Variants in PTPRD observed in about 807,000 individuals in gnomAD.
PTPRD encodes receptor-type tyrosine-protein phosphatase delta.
PTPRD carries 34 observed loss-of-function variants against 214.5 expected under a neutral mutation model. The observed-to-expected ratio is 0.16, with a 90% CI of 0.12 to 0.21. The LOEUF is 0.21. Ranked by LOEUF, PTPRD falls within the 10% of genes least tolerant of loss-of-function variation. The pLI, the probability that PTPRD is intolerant of heterozygous loss-of-function variation, is 1.00. For missense variants in PTPRD, 2,545 were observed against 2,398.7 expected (o/e 1.06, Z -1.27); for synonymous variants, 1,128 against 845.7 (o/e 1.33, Z -5.79).
At chr9:8,569,605 A>G (rs1188230951) in intron 14 of PTPRD, among the ~76,000 whole-genome samples, 2 of 152,086 alleles carry the variant, frequency 1.3e-5, no homozygotes, top group Non-Finnish European at 2.9e-5. Flanking sequence ...GATGAAAATT[A>G]AAAAGAATCA....
intron 8 of PTPRD, among the ~76,000 whole-genome samples, chr9:9,497,112 T>G (rs2096228247): frequency 6.6e-6 from 1 of 152,084 alleles, no homozygotes; most frequent in Non-Finnish European, 1.5e-5. Context: ...GGGGAATCCT[T>G]GTTCAATGTG....
intron 3 of PTPRD, among the ~76,000 whole-genome samples, chr9:10,109,528 A>G (rs1460312554): frequency 6.6e-6 from 1 of 152,178 alleles, no homozygotes; most frequent in Non-Finnish European, 1.5e-5. Flanking sequence ...AAGTTTGGGA[A>G]CCATAAACCA....
At chr9:9,909,363 G>A (rs540119040) in intron 5 of PTPRD, among the ~76,000 whole-genome samples, 74 of 140,672 alleles carry the variant, frequency 5.3e-4, no homozygotes, top group African/African-American at 1.7e-3. Context: ...TAACTAACAA[G>A]ATTGCTGGGG....
chr9:9,492,762 C>T (rs1333389913), intron 8 of PTPRD, among the ~76,000 whole-genome samples: 1 of 151,200 alleles, frequency 6.6e-6, no homozygotes, highest in Non-Finnish European at 1.5e-5. Context: ...AACCCTGAGT[C>T]AAGCAAGTCT....
At chr9:8,626,914 A>G (rs547397426) in intron 14 of PTPRD, among the ~76,000 whole-genome samples, 1 of 151,608 alleles carries the variant, frequency 6.6e-6, no homozygotes, top group South Asian at 2.1e-4. Flanking sequence ...CTATATATGT[A>G]TATATTCTGT....
intron 11 of PTPRD, among the ~76,000 whole-genome samples, chr9:8,775,461 C>A (rs922390326): frequency 4.7e-4 from 71 of 151,890 alleles, no homozygotes; most frequent in African/African-American, 1.6e-3. Flanking sequence ...CTGGAAAGGC[C>A]AAAATTAGGT....
chr9:10,401,513 T>G (rs1209445939), intron 2 of PTPRD, among the ~76,000 whole-genome samples: 1 of 150,858 alleles, frequency 6.6e-6, no homozygotes, highest in Non-Finnish European at 1.5e-5. Context: ...AAGCTCACAG[T>G]ATGTAAACAG....
chr9:9,812,779 T>A (rs1281621756), intron 5 of PTPRD, among the ~76,000 whole-genome samples: 1 of 152,092 alleles, frequency 6.6e-6, no homozygotes, highest in African/African-American at 2.4e-5. Flanking sequence ...CTATATCAAA[T>A]GGACCTTGGA....
At chr9:10,104,160 G>A (rs2098600394) in intron 3 of PTPRD, among the ~76,000 whole-genome samples, 1 of 151,692 alleles carries the variant, frequency 6.6e-6, no homozygotes. Flanking sequence ...GCCAGGGGCT[G>A]GGAGAGGAGG....
chr9:10,136,616 T>C (rs1174178216), intron 3 of PTPRD, among the ~76,000 whole-genome samples: 1 of 134,370 alleles, frequency 7.4e-6, no homozygotes, highest in African/African-American at 2.9e-5. Context: ...AACCTAGGCA[T>C]TACCATTCAG....
intron 14 of PTPRD, among the ~76,000 whole-genome samples, chr9:8,539,307 T>C (rs1330269493): frequency 6.6e-6 from 1 of 151,856 alleles, no homozygotes; most frequent in Non-Finnish European, 1.5e-5. Context: ...GTCTTAAGCA[T>C]CTCCTAGATT....
At chr9:9,791,396 C>T (rs1317769404) in intron 5 of PTPRD, among the ~76,000 whole-genome samples, 1 of 151,916 alleles carries the variant, frequency 6.6e-6, no homozygotes, top group African/African-American at 2.4e-5. Context: ...TGTTTTGAAC[C>T]TGTGCAATTA....
At chr9:10,460,911 T>C (rs1004788876) in intron 2 of PTPRD, among the ~76,000 whole-genome samples, 16 of 152,148 alleles carry the variant, frequency 1.1e-4, no homozygotes, top group African/African-American at 3.6e-4. Flanking sequence ...AAATAAAAAG[T>C]TTCTTCTCAG....
At chr9:8,332,280 G>A (rs934512086) in intron 43 of PTPRD, among the ~76,000 whole-genome samples, 1 of 151,992 alleles carries the variant, frequency 6.6e-6, no homozygotes, top group African/African-American at 2.4e-5. Flanking sequence ...GACAAATGGT[G>A]AAATTTAAAG....
chr9:9,663,941 CTCTT>C (rs1163906735), intron 7 of PTPRD, among the ~76,000 whole-genome samples: 2 of 151,194 alleles, frequency 1.3e-5, no homozygotes, highest in South Asian at 2.1e-4. Flanking sequence ...GTTTTAGAAA[CTCTT>C]TCACATAGAA....
chr9:9,077,657 C>T (rs1031717434), intron 10 of PTPRD, among the ~76,000 whole-genome samples: 1 of 152,050 alleles, frequency 6.6e-6, no homozygotes, highest in Admixed American at 6.6e-5. Context: ...TAGCTTAATG[C>T]ACCCTGATTG....
chr9:10,447,863 G>A (rs1194334944), intron 2 of PTPRD, among the ~76,000 whole-genome samples: 45 of 151,912 alleles, frequency 3.0e-4, no homozygotes, highest in Admixed American at 2.9e-3. Flanking sequence ...AGGTGAATTA[G>A]GATACTCAGA....
intron 34 of PTPRD, among the ~76,000 whole-genome samples, chr9:8,448,727 G>C (rs927094373): frequency 2.0e-5 from 3 of 152,090 alleles, no homozygotes; most frequent in Non-Finnish European, 2.9e-5. Context: ...ACATGTAAAA[G>C]AGAAAATATG....
At chr9:10,550,656 A>T (rs2061121923) in intron 2 of PTPRD, among the ~76,000 whole-genome samples, 1 of 152,190 alleles carries the variant, frequency 6.6e-6, no homozygotes, top group African/African-American at 2.4e-5. Context: ...AGGCACATAC[A>T]CTTTGGAGCT....
Sources: gnomAD v4.1 joint callset for allele counts (sites outside exome capture counted in the v4.1 genomes callset) on GRCh38, gnomAD v4.1.1 for gene constraint, MANE v1.5 for transcripts, NCBI Gene and HGNC (gene_info 2026-07-23, HGNC 2026-07-21) for gene names.